HEMK2: variants seen among roughly 807,000 people sequenced by gnomAD.
HEMK2 encodes methyltransferase HEMK2.
chr21:28,760,561 C>T, the HEMK2 span, among the ~76,000 whole-genome samples: 1 of 152,132 alleles, frequency 6.6e-6, no homozygotes. Context: ...TGACTGTATC[C>T]ATTAGTTACA....
chr21:28,850,337 G>A, the HEMK2 span, among the ~76,000 whole-genome samples: 2 of 145,348 alleles, frequency 1.4e-5, no homozygotes, highest in Admixed American at 1.5e-4. Flanking sequence ...CCATTCTCCT[G>A]CCTCAGCCTC....
the HEMK2 span, among the ~76,000 whole-genome samples, chr21:28,680,076 CATAAAAAACCCT>C: frequency 6.6e-6 from 1 of 152,072 alleles, no homozygotes; most frequent in East Asian, 1.9e-4. Context: ...GAAATAGAGA[CATAAAAAACCCT>C]TTAAAAAATC....
At chr21:28,863,876 G>A in the HEMK2 span, among the ~76,000 whole-genome samples, 44 of 152,188 alleles carry the variant, frequency 2.9e-4, no homozygotes, top group African/African-American at 8.9e-4. Context: ...CGCCCAGGCC[G>A]GAGTGCAGTG....
At chr21:28,730,249 G>A in the HEMK2 span, among the ~76,000 whole-genome samples, 3 of 151,956 alleles carry the variant, frequency 2.0e-5, no homozygotes, top group African/African-American at 7.3e-5. Context: ...GGTACGGTGG[G>A]ATGAGCCTGT....
chr21:28,704,089 C>G, the HEMK2 span, among the ~76,000 whole-genome samples: 6 of 152,266 alleles, frequency 3.9e-5, no homozygotes, highest in African/African-American at 1.4e-4. Context: ...AAATAAACCC[C>G]TTGATATATA....
chr21:28,614,488 C>T, the HEMK2 span, among the ~76,000 whole-genome samples: 1 of 151,758 alleles, frequency 6.6e-6, no homozygotes, highest in African/African-American at 2.4e-5. Flanking sequence ...AAAAAGCTTT[C>T]CAGAAGTTTT....
the HEMK2 span, among the ~76,000 whole-genome samples, chr21:28,750,655 C>T: frequency 4.1e-5 from 6 of 147,700 alleles, no homozygotes; most frequent in East Asian, 4.0e-4. Context: ...GAGCAGAGAT[C>T]GCACCGTTGC....
chr21:28,839,000 T>TATATATATATATATATATATACAC, the HEMK2 span, among the ~76,000 whole-genome samples: 1 of 58,000 alleles, frequency 1.7e-5, no homozygotes, highest in South Asian at 5.1e-4. Flanking sequence ...TATATATATA[T>TATATATATATATATATATATACAC]ACATATATAT....
the HEMK2 span, among the ~76,000 whole-genome samples, chr21:28,737,427 T>G: frequency 1.3e-5 from 2 of 152,168 alleles, no homozygotes; most frequent in Non-Finnish European, 2.9e-5. Context: ...GCCCAATCCC[T>G]CAGTGGAGTT....
chr21:28,819,049 T>C, the HEMK2 span, among the ~76,000 whole-genome samples: 1 of 152,214 alleles, frequency 6.6e-6, no homozygotes, highest in Non-Finnish European at 1.5e-5. Flanking sequence ...GTGGGTTATC[T>C]ATAATCAGTC....
chr21:28,698,826 TTAGA>T, the HEMK2 span, among the ~76,000 whole-genome samples: 1 of 152,212 alleles, frequency 6.6e-6, no homozygotes, highest in Non-Finnish European at 1.5e-5. Context: ...TTTTCCCTGA[TTAGA>T]TATTTTCCCT....
chr21:28,783,856 G>A, the HEMK2 span, among the ~76,000 whole-genome samples: 78 of 152,342 alleles, frequency 5.1e-4, no homozygotes, highest in East Asian at 2.1e-3. Flanking sequence ...CGGAGCGGCC[G>A]GCCGGCACCA....
the HEMK2 span, among the ~76,000 whole-genome samples, chr21:28,688,976 T>A: frequency 3.9e-5 from 6 of 152,282 alleles, no homozygotes; most frequent in African/African-American, 1.4e-4. Context: ...GAGTTAAATA[T>A]CTGCAACAGA....
chr21:28,872,462 G>A, the HEMK2 span: 2 of 152,208 alleles, frequency 1.3e-5, no homozygotes, highest in African/African-American at 2.4e-5. Flanking sequence ...GGCAAGCCAC[G>A]TGTGCACAAT....
At chr21:28,638,727 T>A in the HEMK2 span, among the ~76,000 whole-genome samples, 1 of 152,168 alleles carries the variant, frequency 6.6e-6, no homozygotes, top group Non-Finnish European at 1.5e-5. Context: ...GGCAGCTAGA[T>A]GATCCAGGCT....
chr21:28,607,171 GAGGCCA>G, the HEMK2 span, among the ~76,000 whole-genome samples: 2 of 152,108 alleles, frequency 1.3e-5, no homozygotes, highest in Non-Finnish European at 2.9e-5. Context: ...AGAACTTTTG[GAGGCCA>G]AAGCGGGTGG....
chr21:28,842,094 A>C, the HEMK2 span, among the ~76,000 whole-genome samples: 4 of 152,144 alleles, frequency 2.6e-5, no homozygotes, highest in Non-Finnish European at 5.9e-5. Flanking sequence ...AAGTCACTGA[A>C]CCTGGGGTGG....
chr21:28,780,349 TG>T, the HEMK2 span, among the ~76,000 whole-genome samples: 1 of 150,712 alleles, frequency 6.6e-6, no homozygotes, highest in African/African-American at 2.5e-5. Flanking sequence ...AGCTAATTTT[TG>T]GTATTTTTAA....
At chr21:28,861,961 A>C in the HEMK2 span, among the ~76,000 whole-genome samples, 5 of 152,118 alleles carry the variant, frequency 3.3e-5, no homozygotes, top group African/African-American at 9.7e-5. Flanking sequence ...TGCCACCAGG[A>C]GACACAACAA....
Sources: allele counts gnomAD v4.1 joint callset (sites outside exome capture counted in the v4.1 genomes callset), GRCh38; gene constraint gnomAD v4.1.1; transcripts MANE v1.5; gene names NCBI Gene and HGNC (gene_info 2026-07-23, HGNC 2026-07-21).